Variants in PSD3 observed in about 807,000 individuals in gnomAD.
The protein encoded by PSD3 is PH and SEC7 domain-containing protein 3.
PSD3 carries 49 observed loss-of-function variants against 105.5 expected under a neutral mutation model. The observed-to-expected ratio is 0.46, with a 90% CI of 0.37 to 0.59. PSD3 has a LOEUF of 0.59. Ranked by LOEUF, PSD3 falls within the 20% of genes least tolerant of loss-of-function variation. The pLI is 0.00. For missense variants in PSD3, 1,561 were observed against 1,263.8 expected (o/e 1.24, Z -3.57); for synonymous variants, 557 against 457.8 (o/e 1.22, Z -2.77).
At chr8:18,956,524 T>A (rs1301495238) in intron 1 of PSD3, among the ~76,000 whole-genome samples, 1 of 152,158 alleles carries the variant, frequency 6.6e-6, no homozygotes, top group Non-Finnish European at 1.5e-5. Flanking sequence ...TGGTAGTCAA[T>A]TTAAGGAAAG....
chr8:18,708,137 C>G (rs1802011329), intron 9 of PSD3, among the ~76,000 whole-genome samples: 1 of 152,340 alleles, frequency 6.6e-6, no homozygotes, highest in African/African-American at 2.4e-5. Flanking sequence ...GGAATCCTGA[C>G]TAATTTACAG....
rs148648078 is a variant in PSD3, at chr8:18,721,855, A to G, written c.2172+43594T>C. Among the ~76,000 whole-genome samples, 733 of 152,308 alleles carry G rather than the reference A, an allele frequency of 4.8e-3. 5 individuals are homozygous for G. The highest frequency in any genetic ancestry group is 0.017 in the African/African-American group (710 of 41,566). ...TTGATGTTCAAAATGTGTTGCATTA[A>G]AAGTGAGCTTTTTAAAAGGCCTACG... On this transcript the variant is annotated intron_variant, in intron 9 of 15. Transcript: ENST00000327040.
chr8:19,034,325 G>A (rs910209476), intron 1 of PSD3, among the ~76,000 whole-genome samples: 22 of 152,222 alleles, frequency 1.4e-4, no homozygotes, highest in African/African-American at 4.1e-4. Context: ...TAAACTAGAC[G>A]TCCTTTCTCC....
intron 1 of PSD3, among the ~76,000 whole-genome samples, chr8:18,955,889 A>T (rs182274848): frequency 2.2e-3 from 341 of 152,122 alleles, no homozygotes; most frequent in African/African-American, 7.9e-3. Context: ...CAGCCTCAGC[A>T]TCCCAAGTTG....
At chr8:18,880,310 G>T (rs1205190745) in intron 2 of PSD3, among the ~76,000 whole-genome samples, 2 of 152,004 alleles carry the variant, frequency 1.3e-5, no homozygotes, top group Non-Finnish European at 2.9e-5. Context: ...ATTCATTCAC[G>T]CATTCAGCAA....
At chr8:18,674,852 T>C (rs2130925764) in intron 9 of PSD3, among the ~76,000 whole-genome samples, 1 of 152,052 alleles carries the variant, frequency 6.6e-6, no homozygotes, top group Admixed American at 6.5e-5. Flanking sequence ...TACAAAAAAG[T>C]TAAAATATTA....
intron 2 of PSD3, among the ~76,000 whole-genome samples, chr8:18,920,040 A>C (rs886902332): frequency 6.8e-5 from 7 of 103,658 alleles, no homozygotes; most frequent in South Asian, 3.0e-4. Context: ...AACAATCACA[A>C]AAAAAAAAAA....
intron 1 of PSD3, among the ~76,000 whole-genome samples, chr8:18,999,230 G>A (rs979129443): frequency 2.0e-5 from 3 of 151,918 alleles, no homozygotes; most frequent in Admixed American, 1.3e-4. Context: ...GTATACAGCA[G>A]AAATTCTTAA....
chr8:18,946,414 A>T (rs1283651685), intron 1 of PSD3, among the ~76,000 whole-genome samples: 1 of 152,026 alleles, frequency 6.6e-6, no homozygotes, highest in Non-Finnish European at 1.5e-5. Flanking sequence ...CTGTCCAAAA[A>T]AATAAAAAAT....
chr8:18,966,570 A>AC (rs1563471063), intron 1 of PSD3, among the ~76,000 whole-genome samples: 2 of 15,556 alleles, frequency 1.3e-4, no homozygotes, highest in Admixed American at 6.9e-4. Context: ...GACTGTCTTA[A>AC]AAAAAAAAAA....
At chr8:19,070,358 T>C (rs1325175042) in intron 1 of PSD3, among the ~76,000 whole-genome samples, 1 of 120,142 alleles carries the variant, frequency 8.3e-6, no homozygotes, top group Non-Finnish European at 1.7e-5. Context: ...ATTGTATTAG[T>C]ATGTCATGTG....
At chr8:18,549,182 T>G (rs1049157410) in intron 15 of PSD3, among the ~76,000 whole-genome samples, 5 of 55,268 alleles carry the variant, frequency 9.0e-5, no homozygotes, top group African/African-American at 1.4e-4. Context: ...TCTCAGTTTT[T>G]TTTTTTTTTT....
At position 18,815,182 on chromosome 8, in the gene PSD3, TTTCTC is replaced by T. The variant is rs1448604409; in HGVS notation, c.1635-10289_1635-10285del. 2.6e-5 allele frequency among the ~76,000 whole-genome samples: 4 copies of T among 152,180 alleles called. No individual in the cohort carries two copies. In the East Asian group the frequency reaches 7.7e-4, roughly 29 times the overall value. The stretch of plus-strand genomic sequence containing the variant: ...TGGCCTCCCATTGCTCCCACCCCCT[TTTCTC>T]TTCTAACTCTTCCATCTTCTGGGAT... On this transcript the variant is annotated intron_variant, in intron 4 of 15. Transcript: ENST00000327040.
intron 1 of PSD3, among the ~76,000 whole-genome samples, chr8:19,029,420 G>A (rs1827679513): frequency 1.3e-5 from 2 of 152,166 alleles, no homozygotes; most frequent in South Asian, 4.1e-4. Context: ...GAGACTGGGT[G>A]ATTTATAAAG....
intron 1 of PSD3, among the ~76,000 whole-genome samples, chr8:18,972,922 C>T (rs1468113824): frequency 2.0e-5 from 3 of 152,216 alleles, no homozygotes; most frequent in Non-Finnish European, 4.4e-5. Flanking sequence ...CTTCAAAGGT[C>T]CTGTCCAACG....
chr8:19,002,067 T>C lies in PSD3; in HGVS notation c.21+11496A>G, dbSNP rs1214810868. On this transcript the variant is annotated intron_variant, in intron 1 of 15. Coordinates refer to ENST00000327040, the MANE Select transcript of PSD3 (RefSeq NM_015310.4). ...CTGCTAGCAGCTTGGTGCAAACATA[T>C]CATCCTCTCTCACTAACTGATCACC... 3.3e-5 allele frequency: 5 copies of C among 153,384 alleles called. No individual in the cohort carries two copies. The East Asian group carries it at 9.4e-4, about 29-fold the overall frequency. 9.5% of individuals were successfully genotyped at this position (153,384 alleles called of 1,614,324 possible).
intron 11 of PSD3, among the ~76,000 whole-genome samples, chr8:18,618,632 A>AAT (rs1805875885): frequency 2.0e-5 from 3 of 152,084 alleles, no homozygotes; most frequent in Non-Finnish European, 4.4e-5. Flanking sequence ...ACTACACACC[A>AAT]TAACAGGTAT....
intron 1 of PSD3, among the ~76,000 whole-genome samples, chr8:18,942,640 G>A (rs1044955419): frequency 5.9e-5 from 9 of 152,122 alleles, no homozygotes; most frequent in Non-Finnish European, 8.8e-5. Context: ...AAAAGATGAC[G>A]ACAGGCACAC....
At chr8:18,896,060 G>A (rs1257608081) in intron 2 of PSD3, among the ~76,000 whole-genome samples, 1 of 152,154 alleles carries the variant, frequency 6.6e-6, no homozygotes. Context: ...GTGAGAACAT[G>A]CGGTATTTAT....
Sources: allele counts gnomAD v4.1 joint callset (sites outside exome capture counted in the v4.1 genomes callset), GRCh38; gene constraint gnomAD v4.1.1; transcripts MANE v1.5; gene names NCBI Gene and HGNC (gene_info 2026-07-23, HGNC 2026-07-21).